RANBP3L: variants seen among roughly 807,000 people sequenced by gnomAD.
The protein encoded by RANBP3L is ran-binding protein 3-like.
Under a neutral mutation model 67.2 loss-of-function variants are expected in RANBP3L, and 56 were observed. The observed-to-expected ratio is 0.83, with a 90% CI of 0.67 to 1.04. The LOEUF (loss-of-function observed/expected upper bound fraction) is 1.04. Ranked by LOEUF, RANBP3L falls within the 50% of genes least tolerant of loss-of-function variation. The probability of loss-of-function intolerance (pLI) is 0.00; values close to 1 mark genes in which losing one functional copy is unlikely to be tolerated. For missense variants in RANBP3L, 496 were observed against 535.5 expected, an observed-to-expected ratio of 0.93 and a Z score of 0.73; for synonymous variants, 164 against 181.4, an observed-to-expected ratio of 0.90 and a Z score of 0.77.
At chr5:36,274,260 C>G (rs1273161256) in intron 1 of RANBP3L, among the ~76,000 whole-genome samples, 1 of 152,042 alleles carries the variant, frequency 6.6e-6, no homozygotes, top group African/African-American at 2.4e-5. Flanking sequence ...AGAGCTTACA[C>G]TGAGGAGGAG....
At chr5:36,268,618 A>G (rs545098407) in intron 4 of RANBP3L, among the ~76,000 whole-genome samples, 129 of 152,296 alleles carry the variant, frequency 8.5e-4, no homozygotes, top group African/African-American at 3.0e-3. Context: ...TCAGCATAGA[A>G]GACAAGCAAA....
intron 1 of RANBP3L, among the ~76,000 whole-genome samples, chr5:36,291,324 A>G (rs1371501840): frequency 6.6e-6 from 1 of 151,166 alleles, no homozygotes; most frequent in Non-Finnish European, 1.5e-5. Context: ...GGCTTATTTC[A>G]TTTAACTTTT....
Position 36,251,463 on chromosome 5 carries a change from T to C in RANBP3L, c.1204A>G (p.Ile402Val), listed in dbSNP as rs780784115. The change falls in exon 13 of 14, where the codon ATA becomes GTA. Residue 402 changes from isoleucine (I) to valine (V), a missense_variant. Ile to Val is a conservative substitution (Grantham distance 29). Coordinates refer to ENST00000296604, the MANE Select transcript of RANBP3L (RefSeq NM_145000.5). ...AQDTAYLYAA[I>V]HHRLVALQSF... is the part of the protein sequence containing the mutation. ...TGAAGTGCAACAAGACGATGATGTATTGCTGCATACAAATATGCTGTATCT... is the reference window on the plus strand; with the variant it reads ...TGAAGTGCAACAAGACGATGATGTACTGCTGCATACAAATATGCTGTATCT... 9 of 1,612,436 alleles carry C rather than the reference T, an allele frequency of 5.6e-6. No homozygotes were observed. The South Asian group carries it at 8.8e-5, about 16-fold the overall frequency.
chr5:36,264,906 C>A, intron 6 of RANBP3L, 53 bp downstream of exon 6: 6 of 1,558,232 alleles, frequency 3.9e-6, no homozygotes, highest in Non-Finnish European at 4.3e-6. Flanking sequence ...AAACAACCTG[C>A]AAAAAGAAAG....
chr5:36,265,041 G>A lies in RANBP3L; in HGVS notation c.398C>T (p.Ala133Val), dbSNP rs1174736629. The A allele has an allele frequency of 5.0e-6, 8 of 1,612,878 alleles. No individual in the cohort carries two copies. The highest frequency in any genetic ancestry group is 6.8e-6 in the Non-Finnish European group (8 of 1,179,052). ...IRPAILQLPQ[A>V]RSCAKVRKTF... is the part of the protein sequence containing the mutation. ...TTTTCTTACTTTTGCACAACTTCGA[G>A]CTTGAGGTAGCTGCAAAATAGCAGG... is the stretch of plus-strand genomic sequence containing the variant. The change falls in exon 6 of 14, where the codon GCT becomes GTT. Residue 133 changes from alanine to valine, a missense_variant. Ala to Val is a moderately conservative substitution (Grantham distance 64). Coordinates refer to ENST00000296604, the MANE Select transcript of RANBP3L (RefSeq NM_145000.5).
chr5:36,264,892 C>G (rs1036866398), intron 6 of RANBP3L, 67 bp downstream of exon 6: 1 of 1,491,592 alleles, frequency 6.7e-7, no homozygotes, highest in Non-Finnish European at 9.1e-7. Flanking sequence ...GATATGGGGG[C>G]CCCAAACAAC....
chr5:36,255,997 G>C (rs1748951682), intron 10 of RANBP3L, among the ~76,000 whole-genome samples: 1 of 151,922 alleles, frequency 6.6e-6, no homozygotes, highest in South Asian at 2.1e-4. Flanking sequence ...TTAACACTAT[G>C]TCTATATATA....
At chr5:36,257,389 TAATA>T (rs1297797539) in intron 9 of RANBP3L, 61 bp downstream of exon 9, 12 of 612,274 alleles carry the variant, frequency 2.0e-5, no homozygotes, top group East Asian at 6.5e-5. Context: ...ATATTAATGT[TAATA>T]AATAAAAAAC....
At chr5:36,282,962 T>C (rs1295018688) in intron 1 of RANBP3L, among the ~76,000 whole-genome samples, 1 of 152,192 alleles carries the variant, frequency 6.6e-6, no homozygotes, top group East Asian at 1.9e-4. Flanking sequence ...AAAGGCCAGG[T>C]AGTAATTTGT....
intron 4 of RANBP3L, among the ~76,000 whole-genome samples, chr5:36,267,042 C>A (rs998117122): frequency 6.6e-6 from 1 of 152,172 alleles, no homozygotes; most frequent in Non-Finnish European, 1.5e-5. Flanking sequence ...CAGGCATGAG[C>A]CAACACGCCC....
chr5:36,294,009 C>T (rs1471823776), intron 1 of RANBP3L, among the ~76,000 whole-genome samples: 5 of 152,124 alleles, frequency 3.3e-5, no homozygotes, highest in South Asian at 4.1e-4. Context: ...TGATAGAATT[C>T]GGCTGTAAAT....
chr5:36,263,951 T>C (rs10805612), intron 6 of RANBP3L, among the ~76,000 whole-genome samples: 130,956 of 152,250 alleles, frequency 0.86, 57,910 homozygotes, highest in Non-Finnish European at 0.97. Context: ...AAATTACTTA[T>C]ATAGCATGCA....
At chr5:36,253,020 GGTTTTGTTTTTGCGTTTCATTTT>G (rs948102427) in intron 12 of RANBP3L, among the ~76,000 whole-genome samples, 12 of 151,898 alleles carry the variant, frequency 7.9e-5, no homozygotes, top group Non-Finnish European at 5.9e-5. Flanking sequence ...GGGAGGTTGT[GGTTTTGTTTTTGCGTTTCATTTT>G]GTTTTGTTTT....
chr5:36,265,654 C>T, intron 4 of RANBP3L, 134 bp from the exon 5 acceptor site: 1 of 489,986 alleles, frequency 2.0e-6, no homozygotes, highest in Non-Finnish European at 3.6e-6. Flanking sequence ...TAGGTAGTGC[C>T]CTCTGGAGCA....
chr5:36,279,771 A>G (rs1251493985), intron 1 of RANBP3L, among the ~76,000 whole-genome samples: 1 of 152,198 alleles, frequency 6.6e-6, no homozygotes, highest in Admixed American at 6.6e-5. Context: ...TAAAGTTTTT[A>G]TCAGAATGAA....
Position 36,301,471 on chromosome 5 carries a change from C to A in RANBP3L, c.-55G>T. 1.4e-6 allele frequency: 2 copies of A among 1,393,080 alleles called. No individual in the cohort carries two copies. Among genetic ancestry groups the A allele is most frequent in the South Asian group, 1.2e-5 (1 of 86,440 alleles). The allele number at this position is 1,393,080 out of a possible 1,614,324, so 86.3% of individuals were successfully genotyped here. A position where few individuals can be genotyped will look rare whatever the true frequency, so the allele number is the denominator to read the frequency against. On this transcript the variant is annotated 5_prime_UTR_variant, in exon 1 of 14. Transcript: ENST00000296604. ...ATCACTAGGGCACCTCCTTCTCTGG[C>A]CAGTCACCTAAAGTGGCCTTCACCA...
At chr5:36,275,266 G>A (rs956272634) in intron 1 of RANBP3L, among the ~76,000 whole-genome samples, 14 of 152,110 alleles carry the variant, frequency 9.2e-5, no homozygotes, top group Admixed American at 3.3e-4. Context: ...TCATTCTGTG[G>A]ATTAAATATG....
At chr5:36,275,263 G>C (rs1371602128) in intron 1 of RANBP3L, among the ~76,000 whole-genome samples, 2 of 152,156 alleles carry the variant, frequency 1.3e-5, no homozygotes, top group African/African-American at 4.8e-5. Context: ...TAATCATTCT[G>C]TGGATTAAAT....
intron 1 of RANBP3L, among the ~76,000 whole-genome samples, chr5:36,295,857 C>G (rs886929348): frequency 1.3e-5 from 2 of 151,852 alleles, no homozygotes; most frequent in Non-Finnish European, 2.9e-5. Flanking sequence ...ATCAAAAAGC[C>G]CAAACATGTG....
Sources: gnomAD v4.1 joint callset for allele counts (sites outside exome capture counted in the v4.1 genomes callset) on GRCh38, gnomAD v4.1.1 for gene constraint, MANE v1.5 for transcripts, NCBI Gene and HGNC (gene_info 2026-07-23, HGNC 2026-07-21) for gene names.